VCAN: variants seen among roughly 807,000 people sequenced by gnomAD.
VCAN encodes the protein versican.
A neutral mutation model predicts 245.5 loss-of-function variants in VCAN; 44 were observed. The ratio of observed to expected loss-of-function variants is 0.18; its 90% CI spans 0.14 to 0.23. The LOEUF (loss-of-function observed/expected upper bound fraction) is 0.23. Among genes scored for constraint, VCAN ranks in the 10% least tolerant of loss-of-function variants. VCAN has a pLI of 1.00. For synonymous variants in VCAN, 1,413 were observed against 1,437.0 expected, an observed-to-expected ratio of 0.98 and a Z score of 0.38; for missense variants, 3,793 against 4,057.9, an observed-to-expected ratio of 0.93 and a Z score of 1.77.
At chr5:83,525,512 T>G (rs187544142) in intron 7 of VCAN, among the ~76,000 whole-genome samples, 177 of 152,286 alleles carry the variant, frequency 1.2e-3, no homozygotes, top group African/African-American at 4.1e-3. Flanking sequence ...CAAAGAATAA[T>G]TTAGAAATGT....
At chr5:83,562,559 A>C (rs10055674) in intron 12 of VCAN, among the ~76,000 whole-genome samples, 3,283 of 152,268 alleles carry the variant, frequency 0.022, 109 homozygotes, top group African/African-American at 0.075. Context: ...AGCATCTCAC[A>C]GATGCTTTTC....
chr5:83,572,019 A>G (rs913931431), intron 12 of VCAN, among the ~76,000 whole-genome samples: 13 of 152,316 alleles, frequency 8.5e-5, no homozygotes, highest in African/African-American at 3.1e-4. Flanking sequence ...ATATAAATTT[A>G]TATGTGCACA....
intron 6 of VCAN, 133 bp downstream of exon 6, chr5:83,512,529 A>AT (rs1178183000): frequency 1.6e-6 from 2 of 1,218,630 alleles, no homozygotes; most frequent in Admixed American, 2.6e-5. Flanking sequence ...CAGTTCAGTG[A>AT]TTTTCAAAAG....
At chr5:83,561,898 G>A (rs1455309449) in intron 12 of VCAN, 1 of 152,136 alleles carries the variant, frequency 6.6e-6, no homozygotes, top group Non-Finnish European at 1.5e-5. Flanking sequence ...AGAATACGGA[G>A]TATTCATTAA....
chr5:83,539,368 A>G lies in VCAN; in HGVS notation c.6365A>G (p.Glu2122Gly), dbSNP rs897862312. 6.2e-7 allele frequency: 1 copy of G among 1,614,012 alleles called. No individual in the cohort carries two copies. The highest frequency in any genetic ancestry group is 1.7e-5 in the Admixed American group (1 of 59,980). The change falls in exon 8 of 15, where the codon GAA becomes GGA. Residue 2122 changes from glutamate to glycine, a missense_variant. Glu to Gly is a moderately conservative substitution (Grantham distance 98). This residue lies in a region of VCAN where 3,182 missense variants were observed against 3,250.3 expected (regional missense o/e 0.98). Transcript: ENST00000265077. Reference sequence around the variant, plus strand: ...ACAACATCAGAGGAACAAATTCAAGAAGAAAAGTCATTTGAATCCCCTCAA... The same window carrying G: ...ACAACATCAGAGGAACAAATTCAAGGAGAAAAGTCATTTGAATCCCCTCAA... ...SETTSEEQIQ[E>G]EKSFESPQNS...
intron 12 of VCAN, among the ~76,000 whole-genome samples, chr5:83,556,900 C>T (rs1747690106): frequency 6.6e-6 from 1 of 152,044 alleles, no homozygotes; most frequent in Non-Finnish European, 1.5e-5. Flanking sequence ...GTACTTCATT[C>T]TCATGGAATA....
At chr5:83,497,590 AT>A (rs1169456030) in intron 5 of VCAN, among the ~76,000 whole-genome samples, 5 of 152,196 alleles carry the variant, frequency 3.3e-5, no homozygotes, top group African/African-American at 1.2e-4. Flanking sequence ...TCAATCAGTA[AT>A]AGAATGCTAT....
intron 2 of VCAN, among the ~76,000 whole-genome samples, chr5:83,484,420 A>T (rs1022592923): frequency 6.6e-6 from 1 of 151,816 alleles, no homozygotes; most frequent in Non-Finnish European, 1.5e-5. Flanking sequence ...CCGTGTATTC[A>T]TCCATCCATC....
At chr5:83,546,170 C>T (rs1195705148) in intron 9 of VCAN, among the ~76,000 whole-genome samples, 2 of 151,908 alleles carry the variant, frequency 1.3e-5, no homozygotes, top group East Asian at 3.9e-4. Flanking sequence ...TTCCCTGCCT[C>T]TCTTTTGGTT....
chr5:83,559,310 T>C (rs188870738), intron 12 of VCAN, among the ~76,000 whole-genome samples: 1 of 152,306 alleles, frequency 6.6e-6, no homozygotes, highest in African/African-American at 2.4e-5. Flanking sequence ...CCAGTGCTAA[T>C]GACCTTTCCC....
chr5:83,540,309 G>T lies in VCAN; in HGVS notation c.7306G>T (p.Val2436Leu). 8 of 1,614,130 alleles carry T rather than the reference G, an allele frequency of 5.0e-6. No individual in the cohort carries two copies. Among genetic ancestry groups the T allele is most frequent in the Non-Finnish European group, 6.8e-6 (8 of 1,179,992 alleles). Residue 2436 changes from valine to leucine, a missense_variant, in exon 8 of 15, where the codon GTG (valine) becomes TTG (leucine). This residue lies in a region of VCAN where 3,182 missense variants were observed against 3,250.3 expected (regional missense o/e 0.98). Transcript: ENST00000265077. ...YEPSGEGSGEVDIVDSFHTSA... is the reference protein window; with the variant it reads ...YEPSGEGSGELDIVDSFHTSA... ...ACCTTCTGGAGAAGGATCTGGAGAA[G>T]TGGATATTGTTGATTCATTTCACAC...
intron 12 of VCAN, among the ~76,000 whole-genome samples, chr5:83,563,763 A>G (rs943518886): frequency 1.2e-4 from 19 of 152,168 alleles, no homozygotes; most frequent in African/African-American, 4.1e-4. Flanking sequence ...CAAAGAAGTC[A>G]GCTCTTACTG....
chr5:83,538,202 T>C lies in VCAN; in HGVS notation c.5199T>C (p.Gly1733=). 2.5e-6 allele frequency: 4 copies of C among 1,613,886 alleles called. No individual in the cohort carries two copies. Among genetic ancestry groups the C allele is most frequent in the Non-Finnish European group, 3.4e-6 (4 of 1,179,960 alleles). The change falls in exon 8 of 15, where the codon GGT becomes GGC. Residue 1733 remains glycine (G), a synonymous_variant. Coordinates refer to ENST00000265077, the MANE Select transcript of VCAN (RefSeq NM_004385.5). ...GGAAGGAGGAGGAGGGAACTACAGG[T>C]ACGGCTTCTACATTTGAGGTATATT... ...KKRKEEEGTT[G]TASTFEVYSS...
chr5:83,493,959 G>A (rs769239194), intron 5 of VCAN, 28 bp downstream of exon 5: 23 of 1,613,386 alleles, frequency 1.4e-5, no homozygotes, highest in African/African-American at 1.2e-4. Flanking sequence ...CTATATCTTC[G>A]TATGAACTGA....
chr5:83,504,601 C>T (rs1385484939), intron 5 of VCAN, among the ~76,000 whole-genome samples: 1 of 152,098 alleles, frequency 6.6e-6, no homozygotes, highest in Admixed American at 6.5e-5. Flanking sequence ...AGTCTGGTCT[C>T]AAACTCCTGA....
intron 5 of VCAN, among the ~76,000 whole-genome samples, chr5:83,499,165 A>G (rs1745256049): frequency 6.6e-6 from 1 of 152,046 alleles, no homozygotes; most frequent in African/African-American, 2.4e-5. Flanking sequence ...ATTGCAGCTC[A>G]CACTGAAATT....
rs541755820 is a variant in VCAN at position 83,541,341 on chromosome 5, C to T, written c.8338C>T (p.Leu2780=). 327 of 1,614,070 alleles carry T rather than the reference C, an allele frequency of 2.0e-4. 3 individuals carry two copies. The highest frequency in any genetic ancestry group is 2.0e-3 in the South Asian group (179 of 91,076). The change falls in exon 8 of 15, where the codon CTA becomes TTA. Residue 2780 remains leucine, a synonymous_variant. Coordinates refer to ENST00000265077, the MANE Select transcript of VCAN (RefSeq NM_004385.5). ...EEALVDHTPY[L]SIATTHLMDQ... ...GGCATTAGTAGACCATACTCCCTAT[C>T]TAAGTATTGCTACTACCCACCTTAT...
intron 6 of VCAN, among the ~76,000 whole-genome samples, chr5:83,513,922 T>C (rs1745755218): frequency 6.6e-6 from 1 of 152,182 alleles, no homozygotes; most frequent in Non-Finnish European, 1.5e-5. Flanking sequence ...CCTTATTTGA[T>C]ATTTTCTTGT....
intron 10 of VCAN, among the ~76,000 whole-genome samples, chr5:83,551,416 G>T (rs940175910): frequency 6.6e-6 from 1 of 151,918 alleles, no homozygotes; most frequent in South Asian, 2.1e-4. Context: ...GGAGGCTGAG[G>T]CAGGAGACTC....
Sources: allele counts gnomAD v4.1 joint callset (sites outside exome capture counted in the v4.1 genomes callset), GRCh38; gene constraint gnomAD v4.1.1; regional missense constraint gnomAD v4.1.1; transcripts MANE v1.5; gene names NCBI Gene and HGNC (gene_info 2026-07-23, HGNC 2026-07-21).